KTN1: variants seen among roughly 807,000 people sequenced by gnomAD.
The protein encoded by KTN1 is kinectin.
Under a neutral mutation model 222.5 loss-of-function variants are expected in KTN1, and 130 were observed. That is an observed-to-expected ratio of 0.58 (90% CI 0.51 to 0.68). The LOEUF is 0.68. Among genes scored for constraint, KTN1 ranks in the 30% least tolerant of loss-of-function variants. The probability of loss-of-function intolerance (pLI) is 0.00; values close to 1 mark genes in which losing one functional copy is unlikely to be tolerated. For synonymous variants in KTN1, 512 were observed against 496.3 expected (o/e 1.03, Z -0.42); for missense variants, 1,508 against 1,500.4 (o/e 1.01, Z -0.08).
At chr14:55,641,420 G>A (rs2041792194) in intron 17 of KTN1, among the ~76,000 whole-genome samples, 1 of 151,828 alleles carries the variant, frequency 6.6e-6, no homozygotes, top group African/African-American at 2.4e-5. Flanking sequence ...TTTATTTTTG[G>A]CCCCCAATCT....
intron 5 of KTN1, among the ~76,000 whole-genome samples, chr14:55,626,660 G>C (rs1205821069): frequency 1.3e-5 from 2 of 151,964 alleles, no homozygotes; most frequent in African/African-American, 4.8e-5. Flanking sequence ...GATCATCTTT[G>C]TGCTAGAGCT....
At chr14:55,651,500 G>GT (rs770158508) in intron 24 of KTN1, 70 of 384,134 alleles carry the variant, frequency 1.8e-4, no homozygotes, top group Non-Finnish European at 3.2e-4. Flanking sequence ...TGTGTGGAGA[G>GT]TTAATATTCT....
chr14:55,622,313 G>T lies in KTN1; in HGVS notation c.963+3001G>T, dbSNP rs530192980. On this transcript the variant is annotated intron_variant, in intron 5 of 43. Transcript: ENST00000395314. ...CAAAGAACCTCAGGACTATTGTTGT[G>T]GGGGGGATGTGTGTGTTGTGTTTGT... 2.0e-5 allele frequency among the ~76,000 whole-genome samples: 3 copies of T among 152,142 alleles called. No individual in the cohort carries two copies. The East Asian group carries it at 5.8e-4, about 29-fold the overall frequency.
chr14:55,621,645 A>G (rs1397315633), intron 5 of KTN1, among the ~76,000 whole-genome samples: 1 of 152,018 alleles, frequency 6.6e-6, no homozygotes, highest in Non-Finnish European at 1.5e-5. Flanking sequence ...TGCCTTCATG[A>G]TTCAATTATC....
intron 1 of KTN1, among the ~76,000 whole-genome samples, chr14:55,605,755 A>G (rs1362173807): frequency 2.0e-5 from 3 of 152,224 alleles, no homozygotes; most frequent in Non-Finnish European, 4.4e-5. Context: ...TATATCTGCA[A>G]TATAACACGC....
chr14:55,653,773 A>G (rs2043176774), intron 28 of KTN1, among the ~76,000 whole-genome samples, 177 bp downstream of exon 28: 1 of 152,172 alleles, frequency 6.6e-6, no homozygotes, highest in African/African-American at 2.4e-5. Context: ...GGTTATTTAA[A>G]TGCTTTCAGA....
chr14:55,636,442 T>C lies in KTN1; in HGVS notation c.1462-7T>C. On this transcript the variant is annotated splice_polypyrimidine_tract_variant and splice_region_variant and intron_variant, in intron 9 of 43. Coordinates refer to ENST00000395314, the MANE Select transcript of KTN1 (RefSeq NM_001079521.2). ...AATTTATCCTTTCTCCCTTTTAAAA[T>C]ACCAAGGTTCAACTACAAGAAGCTG... 3.1e-6 allele frequency: 5 copies of C among 1,600,968 alleles called. No individual in the cohort carries two copies. Among genetic ancestry groups the C allele is most frequent in the Non-Finnish European group, 4.3e-6 (5 of 1,171,360 alleles).
At chr14:55,616,701 T>G (rs530247045) in intron 3 of KTN1, 47 bp downstream of exon 3, 1 of 1,490,338 alleles carries the variant, frequency 6.7e-7, no homozygotes, top group Non-Finnish European at 9.1e-7. Context: ...TCTAGAGAAG[T>G]ACACCAGCAC....
chr14:55,628,598 A>G (rs770403730), intron 6 of KTN1, among the ~76,000 whole-genome samples: 13 of 152,202 alleles, frequency 8.5e-5, no homozygotes, highest in Non-Finnish European at 1.6e-4. Flanking sequence ...TTCTCTTTCT[A>G]GGGATTAAAT....
intron 30 of KTN1, among the ~76,000 whole-genome samples, chr14:55,659,170 C>G (rs866439364): frequency 6.6e-6 from 1 of 152,042 alleles, no homozygotes; most frequent in African/African-American, 2.4e-5. Context: ...TCCTTGCAAA[C>G]AAGAAGCTTG....
chr14:55,658,624 A>G lies in KTN1; in HGVS notation c.2961+10A>G. ...ACAAAACTACCAACAGGTAGGTATT[A>G]TTAGATGTCTTGCCTTTCACTTACG... On this transcript the variant is annotated intron_variant, in intron 30 of 43. Coordinates refer to ENST00000395314, the MANE Select transcript of KTN1 (RefSeq NM_001079521.2). 6.3e-7 allele frequency: 1 copy of G among 1,575,352 alleles called. No homozygotes were observed. The highest frequency in any genetic ancestry group is 8.7e-7 in the Non-Finnish European group (1 of 1,151,656).
intron 34 of KTN1, among the ~76,000 whole-genome samples, chr14:55,670,525 G>A (rs1285531829): frequency 1.3e-5 from 2 of 151,994 alleles, no homozygotes. Flanking sequence ...ACATAGGTCT[G>A]TTTTTAGTGC....
At position 55,670,581 on chromosome 14, in the gene KTN1, T is replaced by G. The variant is rs2045351908; in HGVS notation, c.3268-148T>G. ...TGTCCAACTTATGCAGTAGTTACATTCCTCTTTGAAATTTGTAGCAATGTC... is the reference window on the plus strand; with the variant it reads ...TGTCCAACTTATGCAGTAGTTACATGCCTCTTTGAAATTTGTAGCAATGTC... On this transcript the variant is annotated intron_variant, in intron 34 of 43. Transcript: ENST00000395314. 5 of 554,506 alleles carry G rather than the reference T, an allele frequency of 9.0e-6. No individual in the cohort carries two copies. In the Middle Eastern group the frequency reaches 1.3e-3, roughly 147 times the overall value. 34.3% of individuals were successfully genotyped at this position (554,506 alleles called of 1,614,324 possible). A position where few individuals can be genotyped will look rare whatever the true frequency, so the allele number is the denominator to read the frequency against.
At chr14:55,616,290 G>C (rs901696772) in intron 2 of KTN1, among the ~76,000 whole-genome samples, 5 of 152,092 alleles carry the variant, frequency 3.3e-5, no homozygotes, top group Non-Finnish European at 7.4e-5. Flanking sequence ...CATGCCTATA[G>C]GCTCAGTAGG....
intron 30 of KTN1, among the ~76,000 whole-genome samples, chr14:55,658,985 A>T (rs1164978525): frequency 6.6e-6 from 1 of 152,142 alleles, no homozygotes; most frequent in Non-Finnish European, 1.5e-5. Context: ...GAAACTAACA[A>T]ATGTATCATA....
At chr14:55,622,279 C>G (rs1283892723) in intron 5 of KTN1, among the ~76,000 whole-genome samples, 1 of 152,120 alleles carries the variant, frequency 6.6e-6, no homozygotes, top group African/African-American at 2.4e-5. Context: ...GACTGAAGAT[C>G]ACACCGTTCA....
At chr14:55,664,354 G>T (rs932369769) in intron 33 of KTN1, among the ~76,000 whole-genome samples, 5 of 152,108 alleles carry the variant, frequency 3.3e-5, no homozygotes, top group African/African-American at 4.8e-5. Flanking sequence ...TAACTTTCAT[G>T]AAAACTTTGA....
chr14:55,628,411 A>G (rs903928918), intron 6 of KTN1, among the ~76,000 whole-genome samples: 4 of 152,214 alleles, frequency 2.6e-5, no homozygotes, highest in Non-Finnish European at 5.9e-5. Context: ...TAATTTATTT[A>G]TGGAGCTTCT....
At position 55,678,648 on chromosome 14, in the gene KTN1, C is replaced by T. The variant is rs148967224; in HGVS notation, c.3948+204C>T. On this transcript the variant is annotated intron_variant, in intron 42 of 43. Transcript: ENST00000395314. Reference sequence around the variant, plus strand: ...AAGGGTTGTGTTGAGAGGTATGGAGCGGGGGTCCCCAATTCCTGGACTGTG... The same window carrying T: ...AAGGGTTGTGTTGAGAGGTATGGAGTGGGGGTCCCCAATTCCTGGACTGTG... 2.5e-3 allele frequency: 1,232 copies of T among 493,602 alleles called. 4 individuals are homozygous for T. Among genetic ancestry groups the T allele is most frequent in the Non-Finnish European group, 3.1e-3 (854 of 272,104 alleles). The allele number at this position is 493,602 out of a possible 1,614,324, so 30.6% of individuals were successfully genotyped here.
Sources: allele counts gnomAD v4.1 joint callset (sites outside exome capture counted in the v4.1 genomes callset), GRCh38; gene constraint gnomAD v4.1.1; transcripts MANE v1.5; gene names NCBI Gene and HGNC (gene_info 2026-07-23, HGNC 2026-07-21).